PTPRD: variants seen among roughly 807,000 people sequenced by gnomAD.
The protein encoded by PTPRD is receptor-type tyrosine-protein phosphatase delta.
PTPRD carries 34 observed loss-of-function variants against 214.5 expected under a neutral mutation model. That is an observed-to-expected ratio of 0.16 (90% CI 0.12 to 0.21). PTPRD has a LOEUF of 0.21. PTPRD is among the 10% of genes least tolerant of loss of function. The pLI is 1.00. For missense variants in PTPRD, 2,545 were observed against 2,398.7 expected (o/e 1.06, Z -1.27); for synonymous variants, 1,128 against 845.7 (o/e 1.33, Z -5.79).
intron 10 of PTPRD, among the ~76,000 whole-genome samples, chr9:9,068,424 CT>C (rs1399457877): frequency 6.6e-6 from 1 of 152,050 alleles, no homozygotes; most frequent in Non-Finnish European, 1.5e-5. Flanking sequence ...ACTGATGCTT[CT>C]TTGAGAAGCT....
At chr9:8,552,730 C>T (rs73430455) in intron 14 of PTPRD, among the ~76,000 whole-genome samples, 6,221 of 152,218 alleles carry the variant, frequency 0.041, 406 homozygotes, top group African/African-American at 0.14. Flanking sequence ...TACCTACTCT[C>T]GCTTTGCCCT....
At position 10,607,971 on chromosome 9, in the gene PTPRD, G is replaced by A. The variant is rs118140249; in HGVS notation, c.-600+4427C>T. On this transcript the variant is annotated intron_variant, in intron 2 of 45. Transcript: ENST00000381196. ...GCAATATAGCATGTGAGATGGTACT[G>A]AACAAGGATGGAAAACCTCTCTGTG... Among the ~76,000 whole-genome samples the A allele has an allele frequency of 9.9e-3, 1,506 of 152,010 alleles. 11 individuals carry two copies. The highest frequency in any genetic ancestry group is 0.016 in the Non-Finnish European group (1,092 of 67,874).
At position 9,375,199 on chromosome 9, in the gene PTPRD, G is replaced by A. The variant is rs992957790; in HGVS notation, c.-203+22250C>T. On this transcript the variant is annotated intron_variant, in intron 9 of 45. Coordinates refer to ENST00000381196, the MANE Select transcript of PTPRD (RefSeq NM_002839.4). ...GAAAGACAATGTCTGTTATACCAAT[G>A]TTCACAGCAGCATTATTCACAGTAG... is the stretch of plus-strand genomic sequence containing the variant. 3.9e-5 allele frequency among the ~76,000 whole-genome samples: 6 copies of A among 152,120 alleles called. No homozygotes were observed. In the East Asian group the frequency reaches 9.6e-4, roughly 24 times the overall value.
intron 7 of PTPRD, among the ~76,000 whole-genome samples, chr9:9,621,674 G>A (rs1182634121): frequency 6.6e-6 from 1 of 152,096 alleles, no homozygotes; most frequent in Non-Finnish European, 1.5e-5. Context: ...AAGACTATAA[G>A]GTGCAATCTG....
At chr9:9,676,935 T>C (rs1301862233) in intron 7 of PTPRD, among the ~76,000 whole-genome samples, 8 of 152,174 alleles carry the variant, frequency 5.3e-5, no homozygotes, top group South Asian at 2.1e-4. Flanking sequence ...TTTTGAGAAG[T>C]GTCTGTTCAT....
At chr9:9,498,218 A>T (rs1468274139) in intron 8 of PTPRD, among the ~76,000 whole-genome samples, 1 of 152,116 alleles carries the variant, frequency 6.6e-6, no homozygotes, top group Non-Finnish European at 1.5e-5. Flanking sequence ...ATGCTCTTTG[A>T]GTGGCATTCT....
chr9:10,369,719 G>A (rs1048706502), intron 2 of PTPRD, among the ~76,000 whole-genome samples: 21 of 152,040 alleles, frequency 1.4e-4, no homozygotes, highest in African/African-American at 4.6e-4. Context: ...CCAGACTGAC[G>A]GCTTCTGGAT....
At chr9:9,166,486 T>C (rs1258858414) in intron 10 of PTPRD, among the ~76,000 whole-genome samples, 1 of 152,144 alleles carries the variant, frequency 6.6e-6, no homozygotes, top group Non-Finnish European at 1.5e-5. Context: ...GACCACCTAA[T>C]TGCATATTCC....
intron 12 of PTPRD, among the ~76,000 whole-genome samples, chr9:8,720,727 C>G (rs554021926): frequency 6.6e-6 from 1 of 152,058 alleles, no homozygotes; most frequent in African/African-American, 2.4e-5. Flanking sequence ...CTAAAAGCCA[C>G]TCAGTGCTTC....
chr9:9,256,462 G>A (rs558542545), intron 9 of PTPRD, among the ~76,000 whole-genome samples: 1 of 146,344 alleles, frequency 6.8e-6, no homozygotes, highest in Admixed American at 6.9e-5. Flanking sequence ...TGATTTGAAT[G>A]TTCTTGCCTA....
At chr9:8,561,765 T>C (rs1044296115) in intron 14 of PTPRD, among the ~76,000 whole-genome samples, 14 of 151,910 alleles carry the variant, frequency 9.2e-5, no homozygotes, top group African/African-American at 2.2e-4. Context: ...TTTTTTTTTT[T>C]CCATTCAGGA....
At position 9,284,123 on chromosome 9, in the gene PTPRD, G is replaced by C. The variant is rs115070294; in HGVS notation, c.-202-100760C>G. ...CAAGTAATGTTCAGGATTAGTCAGAGGAACTACATACTTAATTTAATTAAA... is the reference window on the plus strand; with the variant it reads ...CAAGTAATGTTCAGGATTAGTCAGACGAACTACATACTTAATTTAATTAAA... On this transcript the variant is annotated intron_variant, in intron 9 of 45. Coordinates refer to ENST00000381196, the MANE Select transcript of PTPRD (RefSeq NM_002839.4). 5.0e-3 allele frequency among the ~76,000 whole-genome samples: 764 copies of C among 151,662 alleles called. 6 individuals carry two copies. The highest frequency in any genetic ancestry group is 0.018 in the African/African-American group (729 of 41,458).
chr9:10,591,162 G>T (rs1274150917), intron 2 of PTPRD, among the ~76,000 whole-genome samples: 1 of 151,898 alleles, frequency 6.6e-6, no homozygotes, highest in East Asian at 1.9e-4. Context: ...CCTGCTGAAT[G>T]ACCCAATTCT....
Position 9,344,485 on chromosome 9 carries a change from AAAGT to A in PTPRD, c.-203+52960_-203+52963del, listed in dbSNP as rs950567000. ...GTTCAGCACATGTATCCCAGAACTT[AAAGT>A]AAAATAAAAGTAAAAATTAAAAAAA... On this transcript the variant is annotated intron_variant, in intron 9 of 45. Transcript: ENST00000381196. 9.1e-4 allele frequency among the ~76,000 whole-genome samples: 138 copies of A among 152,200 alleles called. 1 individual carries two copies. Among genetic ancestry groups the A allele is most frequent in the Middle Eastern group, 3.4e-3 (1 of 294 alleles).
At chr9:10,463,583 G>T (rs1227113334) in intron 2 of PTPRD, among the ~76,000 whole-genome samples, 3 of 152,042 alleles carry the variant, frequency 2.0e-5, no homozygotes, top group Admixed American at 6.6e-5. Flanking sequence ...CAGTACAATT[G>T]TTAAGGAAAT....
At chr9:8,546,593 G>C (rs909500965) in intron 14 of PTPRD, among the ~76,000 whole-genome samples, 1 of 151,910 alleles carries the variant, frequency 6.6e-6, no homozygotes, top group African/African-American at 2.4e-5. Flanking sequence ...CTGCCTCCCA[G>C]TTTCAAGAGA....
intron 8 of PTPRD, among the ~76,000 whole-genome samples, chr9:9,482,920 CG>C (rs1351764553): frequency 6.6e-6 from 1 of 152,106 alleles, no homozygotes; most frequent in East Asian, 1.9e-4. Context: ...AACATGTAGA[CG>C]CTACTCTCTT....
At chr9:8,326,285 C>T (rs913565772) in intron 44 of PTPRD, among the ~76,000 whole-genome samples, 5 of 151,588 alleles carry the variant, frequency 3.3e-5, no homozygotes, top group Admixed American at 2.6e-4. Flanking sequence ...ATAAAGGGCT[C>T]ATGAATTTTG....
At chr9:8,478,441 A>AT (rs1565135871) in intron 30 of PTPRD, among the ~76,000 whole-genome samples, 1 of 152,302 alleles carries the variant, frequency 6.6e-6, no homozygotes, top group East Asian at 1.9e-4. Context: ...CTTTATTTCA[A>AT]TTTTTTATAA....
Sources: gnomAD v4.1 joint callset for allele counts (sites outside exome capture counted in the v4.1 genomes callset) on GRCh38, gnomAD v4.1.1 for gene constraint, MANE v1.5 for transcripts, NCBI Gene and HGNC (gene_info 2026-07-23, HGNC 2026-07-21) for gene names.